AXIN1: variants seen among roughly 807,000 people sequenced by gnomAD.
AXIN1 encodes the protein axin-1.
In AXIN1, 30 loss-of-function variants were observed where a neutral mutation model predicts 76.4. The ratio of observed to expected loss-of-function variants is 0.39; its 90% CI spans 0.29 to 0.53. The LOEUF (loss-of-function observed/expected upper bound fraction) is 0.53, where lower values mean the gene tolerates loss of function less well. Among genes scored for constraint, AXIN1 ranks in the 20% least tolerant of loss-of-function variants. The probability of loss-of-function intolerance (pLI) is 0.66; values close to 1 mark genes in which losing one functional copy is unlikely to be tolerated. For missense variants in AXIN1, 1,140 were observed against 1,198.8 expected (o/e 0.95, Z 0.72); for synonymous variants, 545 against 501.4 (o/e 1.09, Z -1.16).
In AXIN1 at chr16:288,046, C is replaced by A. The variant is rs546459136; in HGVS notation, c.*76G>T. 6 of 1,607,368 alleles carry A rather than the reference C, an allele frequency of 3.7e-6. No individual in the cohort carries two copies. The highest frequency in any genetic ancestry group is 5.1e-6 in the Non-Finnish European group (6 of 1,178,564). ...CTGTTCCCCATCGGGCTCCTGAGTA[C>A]GAGGTCATCTGCCTGGCCGTGACAC... On this transcript the variant is annotated 3_prime_UTR_variant, in exon 11 of 11. Transcript: ENST00000262320.
chr16:309,487 G>A (rs992180756), intron 4 of AXIN1, among the ~76,000 whole-genome samples: 1 of 152,140 alleles, frequency 6.6e-6, no homozygotes, highest in Non-Finnish European at 1.5e-5. Flanking sequence ...CCCCATGCCC[G>A]AGACTGGGCA....
chr16:288,864 C>G (rs1451012850), intron 10 of AXIN1, among the ~76,000 whole-genome samples: 1 of 152,194 alleles, frequency 6.6e-6, no homozygotes, highest in Non-Finnish European at 1.5e-5. Context: ...ACAAGGTCGG[C>G]CTAGGGGAGC....
Position 297,952 on chromosome 16 carries a change from G to C in AXIN1, c.1554C>G (p.Pro518=). ...GAASGHGKHV[P]KSGAKLDAAG... ...CCGCGTCCAGCTTCGCCCCTGACTT[G>C]GGTACGTGCTTCCCGTGCCCCGAGG... The change falls in exon 6 of 11, where the codon CCC becomes CCG. Residue 518 remains proline, a synonymous_variant. Transcript: ENST00000262320. The C allele has an allele frequency of 6.2e-7, 1 of 1,603,254 alleles. No individual in the cohort carries two copies. The highest frequency in any genetic ancestry group is 1.1e-5 in the South Asian group (1 of 90,802).
In AXIN1 at chr16:287,917, G is replaced by T; in HGVS notation, c.*205C>A. 2 of 781,662 alleles carry T rather than the reference G, an allele frequency of 2.6e-6. No individual in the cohort carries two copies. Among genetic ancestry groups the T allele is most frequent in the Non-Finnish European group, 4.2e-6 (2 of 472,556 alleles). The allele number at this position is 781,662 out of a possible 1,614,324, so 48.4% of individuals were successfully genotyped here. A position where few individuals can be genotyped will look rare whatever the true frequency, so the allele number is the denominator to read the frequency against. ...AGTATTGCTATGAGGAGTGGTCCAG[G>T]CTGCCTCCTTGGGGGCAGGACAGAA... On this transcript the variant is annotated 3_prime_UTR_variant, in exon 11 of 11. Transcript: ENST00000262320.
rs1412544478 is a variant in AXIN1 at position 297,152 on chromosome 16, G to A, written c.1859C>T (p.Pro620Leu). The change falls in exon 7 of 11, where the codon CCA becomes CTA. Residue 620 changes from proline to leucine, a missense_variant. Transcript: ENST00000262320. ...CTTCTCCGCATCCTCCGAGGCACCT[G>A]GCACCTCGGTGCTGGCGCTCTTCCC... ...ESGKSASTEV[P>L]GASEDAEKNQ... 5 of 1,612,356 alleles carry A rather than the reference G, an allele frequency of 3.1e-6. No individual in the cohort carries two copies. Among genetic ancestry groups the A allele is most frequent in the South Asian group, 2.2e-5 (2 of 91,080 alleles).
rs1331004671 is a variant in AXIN1 at position 298,185 on chromosome 16, C to T, written c.1321G>A (p.Ala441Thr). The T allele has an allele frequency of 9.1e-6, 14 of 1,541,946 alleles. No homozygotes were observed. Among genetic ancestry groups the T allele is most frequent in the Non-Finnish European group, 1.1e-5 (13 of 1,147,346 alleles). Residue 441 changes from alanine (A) to threonine (T), a missense_variant, in exon 6 of 11, where the codon GCC becomes ACC. Transcript: ENST00000262320. The part of the protein sequence containing the change: ...PPGPCHKLPP[A>T]PAWHHFPPRC... ...GGCGGGAAGTGGTGCCAAGCGGGGGCGGGAGGCAGCTTGTGACACGGCCCT... is the reference window on the plus strand; with the variant it reads ...GGCGGGAAGTGGTGCCAAGCGGGGGTGGGAGGCAGCTTGTGACACGGCCCT...
chr16:340,281 C>T (rs1186573442), intron 2 of AXIN1, among the ~76,000 whole-genome samples: 2 of 152,194 alleles, frequency 1.3e-5, no homozygotes. Flanking sequence ...GTTGTCCACT[C>T]TCTGGCCACA....
chr16:350,456 T>TA (rs1249136905), intron 1 of AXIN1, among the ~76,000 whole-genome samples: 5 of 152,342 alleles, frequency 3.3e-5, no homozygotes, highest in African/African-American at 1.2e-4. Flanking sequence ...ATACTGTATT[T>TA]AAAATTCCCT....
chr16:297,383 G>A (rs544438086), intron 6 of AXIN1, among the ~76,000 whole-genome samples, 157 bp from the exon 7 acceptor site: 328 of 142,776 alleles, frequency 2.3e-3, no homozygotes, highest in African/African-American at 6.5e-3. Context: ...GCTGTCCCCC[G>A]CCAGCTTGTC....
chr16:288,299 AAGG>A (rs754421469), intron 10 of AXIN1, 51 bp from the exon 11 acceptor site: 2 of 1,612,172 alleles, frequency 1.2e-6, no homozygotes, highest in Non-Finnish European at 8.5e-7. Flanking sequence ...CGCAGATGGG[AAGG>A]AGGCCTGTGG....
intron 9 of AXIN1, chr16:290,880 A>C (rs1431885942): frequency 1.1e-5 from 5 of 474,118 alleles, no homozygotes; most frequent in African/African-American, 9.8e-5. Flanking sequence ...AGGCGCAGGC[A>C]GGTCTCTGCC....
intron 6 of AXIN1, among the ~76,000 whole-genome samples, 154 bp downstream of exon 6, chr16:297,568 C>T (rs2052748223): frequency 6.6e-6 from 1 of 152,232 alleles, no homozygotes; most frequent in Admixed American, 6.5e-5. Context: ...GTGGACTCCC[C>T]TGACCCAGGG....
At chr16:317,423 C>T (rs2053329415) in intron 2 of AXIN1, among the ~76,000 whole-genome samples, 1 of 152,188 alleles carries the variant, frequency 6.6e-6, no homozygotes, top group African/African-American at 2.4e-5. Context: ...GGTGCAGGAC[C>T]CCATGCCACA....
At chr16:300,892 T>A (rs2052851621) in intron 5 of AXIN1, among the ~76,000 whole-genome samples, 1 of 152,260 alleles carries the variant, frequency 6.6e-6, no homozygotes, top group Admixed American at 6.5e-5. Context: ...ATCATGGGGC[T>A]GTGAAATGTT....
intron 2 of AXIN1, among the ~76,000 whole-genome samples, chr16:343,940 C>T (rs976524037): frequency 6.8e-6 from 1 of 147,342 alleles, no homozygotes; most frequent in Non-Finnish European, 1.5e-5. Context: ...GCAGAAGTTG[C>T]AGTGAGCCGA....
In AXIN1 at chr16:346,532, T is replaced by C. The variant is rs2141704356; in HGVS notation, c.494A>G (p.Lys165Arg). 6.2e-7 allele frequency: 1 copy of C among 1,614,216 alleles called. No homozygotes were observed. Among genetic ancestry groups the C allele is most frequent in the Non-Finnish European group, 8.5e-7 (1 of 1,180,020 alleles). The change falls in exon 2 of 11, where the codon AAG becomes AGG. Residue 165 changes from lysine to arginine, a missense_variant. Transcript: ENST00000262320. ...IVSRQTKPAT[K>R]SFIKGCIMKQ... ...CATGATGCAGCCCTTTATGAAGCTC[T>C]TGGTGGCTGGCTTGGTCTGCCGGGA... is the stretch of plus-strand genomic sequence containing the variant.
rs1298892316 is a variant in AXIN1, at chr16:346,191, T to C, written c.835A>G (p.Arg279Gly). ...QKLLLETAAPRVSSSRRYSEG... is the reference protein window; with the variant it reads ...QKLLLETAAPGVSSSRRYSEG... Reference sequence around the variant, plus strand: ...CTGTACCGTCTACTGGAGGAGACCCTCGGGGCAGCTGTCTCCAGGAGCAGC... The same window carrying C: ...CTGTACCGTCTACTGGAGGAGACCCCCGGGGCAGCTGTCTCCAGGAGCAGC... Residue 279 changes from arginine (R) to glycine (G), a missense_variant, in exon 2 of 11, where the codon AGG (arginine) becomes GGG (glycine). Coordinates refer to ENST00000262320, the MANE Select transcript of AXIN1 (RefSeq NM_003502.4). 1 of 1,613,932 alleles carries C rather than the reference T, an allele frequency of 6.2e-7. No individual in the cohort carries two copies. Among genetic ancestry groups the C allele is most frequent in the Non-Finnish European group, 8.5e-7 (1 of 1,180,030 alleles).
chr16:329,035 G>A (rs2053637307), intron 2 of AXIN1, among the ~76,000 whole-genome samples: 1 of 152,160 alleles, frequency 6.6e-6, no homozygotes, highest in Non-Finnish European at 1.5e-5. Context: ...CAGCACTTTG[G>A]AAGGCCAAGG....
chr16:310,485 C>T (rs1454981819), intron 3 of AXIN1, among the ~76,000 whole-genome samples: 1 of 152,146 alleles, frequency 6.6e-6, no homozygotes, highest in Non-Finnish European at 1.5e-5. Context: ...CAAGCTCCAC[C>T]TCCCGGGTTC....
Sources: allele counts gnomAD v4.1 joint callset (sites outside exome capture counted in the v4.1 genomes callset), GRCh38; gene constraint gnomAD v4.1.1; transcripts MANE v1.5; gene names NCBI Gene and HGNC (gene_info 2026-07-23, HGNC 2026-07-21).